Variants in HMOX2 observed in about 807,000 individuals in gnomAD.
HMOX2 encodes heme oxygenase (decycling) 2.
HMOX2 carries 30 observed loss-of-function variants against 33.7 expected under a neutral mutation model. The observed-to-expected ratio is 0.89, with a 90% CI of 0.67 to 1.21. The LOEUF (loss-of-function observed/expected upper bound fraction) is 1.21. HMOX2 is among the 50% of genes most tolerant of loss of function. The probability of loss-of-function intolerance (pLI) is 0.00; values close to 1 mark genes in which losing one functional copy is unlikely to be tolerated. For missense variants in HMOX2, 403 were observed against 399.1 expected (o/e 1.01, Z -0.08); for synonymous variants, 155 against 155.0 (o/e 1.00, Z 0.00).
chr16:4,505,719 A>G (rs2058674634), intron 2 of HMOX2, 109 bp downstream of exon 2: 2 of 746,072 alleles, frequency 2.7e-6, no homozygotes, highest in Non-Finnish European at 4.4e-6. Context: ...ATGGGCCATG[A>G]GCTCTGGACC....
At chr16:4,509,291 C>A in intron 4 of HMOX2, 121 bp from the exon 5 acceptor site, 1 of 1,275,782 alleles carries the variant, frequency 7.8e-7, no homozygotes, top group Non-Finnish European at 1.1e-6. Context: ...AGTGAGTTAG[C>A]CATGTTCATA....
chr16:4,478,170 T>A (rs1378354652), intron 1 of HMOX2, among the ~76,000 whole-genome samples: 1 of 152,164 alleles, frequency 6.6e-6, no homozygotes, highest in Non-Finnish European at 1.5e-5. Context: ...TTTCCTTTTT[T>A]CCTTGGCTGT....
At chr16:4,481,180 A>T (rs1319737529) in intron 1 of HMOX2, among the ~76,000 whole-genome samples, 1 of 151,488 alleles carries the variant, frequency 6.6e-6, no homozygotes, top group African/African-American at 2.4e-5. Flanking sequence ...CCCCGTCTCT[A>T]CTAAAAAATA....
chr16:4,495,331 C>T (rs1349105080), intron 1 of HMOX2, among the ~76,000 whole-genome samples: 4 of 152,138 alleles, frequency 2.6e-5, no homozygotes, highest in Non-Finnish European at 5.9e-5. Context: ...GAAAGCCGAC[C>T]ATCCTTCTTT....
intron 1 of HMOX2, among the ~76,000 whole-genome samples, chr16:4,477,597 C>T (rs988081972): frequency 5.4e-5 from 8 of 149,496 alleles, no homozygotes; most frequent in Non-Finnish European, 1.5e-5. Context: ...GATGGCGCTA[C>T]AAACCAGACA....
At position 4,482,909 on chromosome 16, in the gene HMOX2, A is replaced by G. The variant is rs571757292; in HGVS notation, c.-42+6422A>G. On this transcript the variant is annotated intron_variant, in intron 1 of 5. Transcript: ENST00000570646. ...GCCGGGTGTGGTCGTGCATGCCTGT[A>G]GTCCCAGCCACTAGGGAGGCTGAGG... Among the ~76,000 whole-genome samples, 7 of 152,228 alleles carry G rather than the reference A, an allele frequency of 4.6e-5. No homozygotes were observed. In the East Asian group the frequency reaches 1.2e-3, roughly 25 times the overall value.
At chr16:4,482,749 T>C (rs2058062241) in intron 1 of HMOX2, among the ~76,000 whole-genome samples, 1 of 152,122 alleles carries the variant, frequency 6.6e-6, no homozygotes. Context: ...TACAGATGGC[T>C]GGGCGTGCTG....
Position 4,505,554 on chromosome 16 carries a change from G to A in HMOX2, c.30G>A (p.Gly10=), listed in dbSNP as rs769461451. The change falls in exon 2 of 6, where the codon GGG becomes GGA. Residue 10 remains glycine, a synonymous_variant. Transcript: ENST00000570646. ...CAGCGGAAGTGGAAACCTCAGAGGG[G>A]GTAGACGAGTCAGAAAAAAAGAACT... MSAEVETSE[G]VDESEKKNSG... is the part of the protein sequence containing the mutation. The A allele has an allele frequency of 3.2e-5, 52 of 1,607,226 alleles. No individual in the cohort carries two copies. In the African/African-American group the frequency reaches 6.3e-4, roughly 19 times the overall value.
intron 1 of HMOX2, chr16:4,488,634 C>G (rs1359620701): frequency 1.3e-5 from 2 of 152,242 alleles, no homozygotes; most frequent in Admixed American, 6.6e-5. Context: ...GTGGCTGACC[C>G]CTTCCCTAGA....
chr16:4,482,764 A>G (rs1010659828), intron 1 of HMOX2, among the ~76,000 whole-genome samples: 3 of 152,172 alleles, frequency 2.0e-5, no homozygotes, highest in Admixed American at 6.6e-5. Context: ...GTGCTGGTTC[A>G]TGCCTGTAAT....
intron 1 of HMOX2, among the ~76,000 whole-genome samples, chr16:4,500,045 G>T (rs918764016): frequency 6.6e-6 from 1 of 152,204 alleles, no homozygotes; most frequent in Non-Finnish European, 1.5e-5. Flanking sequence ...GCTCCCCAGG[G>T]TGCTGGCCTA....
At chr16:4,487,402 G>A (rs1009375718) in intron 1 of HMOX2, among the ~76,000 whole-genome samples, 5 of 152,202 alleles carry the variant, frequency 3.3e-5, no homozygotes, top group African/African-American at 9.6e-5. Context: ...GTAGCCCAGC[G>A]GCTCATACCT....
chr16:4,489,537 G>A (rs527741609), intron 1 of HMOX2, among the ~76,000 whole-genome samples: 91 of 152,278 alleles, frequency 6.0e-4, no homozygotes, highest in Non-Finnish European at 1.1e-3. Flanking sequence ...TTGGCTCACT[G>A]CAGCCGCCAC....
At chr16:4,502,284 T>A (rs2058578892) in intron 1 of HMOX2, among the ~76,000 whole-genome samples, 1 of 152,172 alleles carries the variant, frequency 6.6e-6, no homozygotes, top group Non-Finnish European at 1.5e-5. Context: ...AAGACTATAC[T>A]CTCCCAGAGC....
At chr16:4,507,316 G>A (rs139695666) in intron 3 of HMOX2, among the ~76,000 whole-genome samples, 9 of 152,044 alleles carry the variant, frequency 5.9e-5, no homozygotes, top group Admixed American at 1.3e-4. Flanking sequence ...GTGGTGGCGC[G>A]TGCCTGTACT....
intron 1 of HMOX2, among the ~76,000 whole-genome samples, chr16:4,503,473 G>C (rs1390519032): frequency 6.6e-6 from 1 of 152,192 alleles, no homozygotes; most frequent in Non-Finnish European, 1.5e-5. Context: ...AGAGTAGAGT[G>C]TCTCTGATTT....
At chr16:4,477,194 G>A (rs1286855946) in intron 1 of HMOX2, among the ~76,000 whole-genome samples, 3 of 152,090 alleles carry the variant, frequency 2.0e-5, no homozygotes, top group Non-Finnish European at 4.4e-5. Context: ...GCCTGCCTGT[G>A]TCATGCCATT....
chr16:4,483,492 G>A (rs2058084762), intron 1 of HMOX2: 1 of 152,060 alleles, frequency 6.6e-6, no homozygotes, highest in Non-Finnish European at 1.5e-5. Context: ...CTCTGTGTCA[G>A]GAACTGAGGT....
chr16:4,492,048 A>G (rs1410630349), intron 1 of HMOX2, among the ~76,000 whole-genome samples: 1 of 152,174 alleles, frequency 6.6e-6, no homozygotes, highest in Non-Finnish European at 1.5e-5. Context: ...AGGCAGCATC[A>G]AAACTACACT....
Sources: gnomAD v4.1 joint callset for allele counts (sites outside exome capture counted in the v4.1 genomes callset) on GRCh38, gnomAD v4.1.1 for gene constraint, MANE v1.5 for transcripts, NCBI Gene and HGNC (gene_info 2026-07-23, HGNC 2026-07-21) for gene names.